Variants in DPF3 observed in about 807,000 individuals in gnomAD.
The protein encoded by DPF3 is double PHD fingers 3, also known as zinc finger protein DPF3.
A neutral mutation model predicts 56.8 loss-of-function variants in DPF3; 18 were observed. The ratio of observed to expected loss-of-function variants is 0.32; its 90% CI spans 0.22 to 0.47. The LOEUF is 0.47. Among genes scored for constraint, DPF3 ranks in the 20% least tolerant of loss-of-function variants. The pLI is 1.00. For missense variants in DPF3, 403 were observed against 488.8 expected (o/e 0.82, Z 1.65); for synonymous variants, 188 against 180.2 (o/e 1.04, Z -0.35).
intron 1 of DPF3, among the ~76,000 whole-genome samples, chr14:72,821,158 G>T (rs12433184): frequency 0.089 from 13,444 of 150,338 alleles, 782 homozygotes; most frequent in Admixed American, 0.17. Context: ...AAAATTAGCG[G>T]GCGTGGTGGC....
At chr14:72,714,746 C>T (rs1209642836) in intron 5 of DPF3, among the ~76,000 whole-genome samples, 1 of 152,094 alleles carries the variant, frequency 6.6e-6, no homozygotes, top group Admixed American at 6.5e-5. Context: ...TACTAGGGTC[C>T]CCATTTTACA....
At chr14:72,708,080 G>C (rs1224303348) in intron 6 of DPF3, among the ~76,000 whole-genome samples, 3 of 152,168 alleles carry the variant, frequency 2.0e-5, no homozygotes, top group African/African-American at 7.2e-5. Context: ...GGAGAGCAAG[G>C]TTGTGACTGA....
intron 1 of DPF3, among the ~76,000 whole-genome samples, chr14:72,867,004 A>G (rs1037060920): frequency 1.4e-5 from 2 of 140,052 alleles, no homozygotes; most frequent in African/African-American, 5.1e-5. Flanking sequence ...TCTTACAAGG[A>G]GGAAGCAAAG....
intron 1 of DPF3, among the ~76,000 whole-genome samples, chr14:72,794,456 A>C (rs1892558332): frequency 6.6e-6 from 1 of 152,306 alleles, no homozygotes; most frequent in African/African-American, 2.4e-5. Context: ...CCATCTCACC[A>C]GTCAGCTTCA....
In DPF3 at chr14:72,615,269, A is replaced by G. The variant is rs1040492104; in HGVS notation, c.*4028T>C. On this transcript the variant is annotated 3_prime_UTR_variant, in exon 11 of 11. Coordinates refer to ENST00000556509, the MANE Select transcript of DPF3 (RefSeq NM_001280542.3). ...CCCCTACCTCCTCACACACAGACCCAAAGAGGAGACTATAAGCCCCTCTTC... is the reference window on the plus strand; with the variant it reads ...CCCCTACCTCCTCACACACAGACCCGAAGAGGAGACTATAAGCCCCTCTTC... Among the ~76,000 whole-genome samples, 56 of 152,100 alleles carry G rather than the reference A, an allele frequency of 3.7e-4. No homozygotes were observed. The highest frequency in any genetic ancestry group is 3.2e-3 in the Middle Eastern group (1 of 316).
chr14:72,666,588 T>A (rs774895601), intron 8 of DPF3, among the ~76,000 whole-genome samples: 16 of 152,178 alleles, frequency 1.1e-4, no homozygotes, highest in Non-Finnish European at 1.5e-4. Context: ...CGGGAATAAA[T>A]AACATCTACC....
At chr14:72,806,608 C>A (rs1882794125) in intron 1 of DPF3, among the ~76,000 whole-genome samples, 1 of 152,204 alleles carries the variant, frequency 6.6e-6, no homozygotes, top group South Asian at 2.1e-4. Flanking sequence ...CCCACCCGCA[C>A]TGGGCGAAAG....
intron 8 of DPF3, among the ~76,000 whole-genome samples, chr14:72,672,712 C>A (rs1303708617): frequency 6.6e-6 from 1 of 152,122 alleles, no homozygotes; most frequent in Non-Finnish European, 1.5e-5. Flanking sequence ...GATTCTAGCA[C>A]CCCTCTTTTG....
chr14:72,707,459 G>A (rs1888453888), intron 6 of DPF3, among the ~76,000 whole-genome samples: 1 of 152,212 alleles, frequency 6.6e-6, no homozygotes, highest in African/African-American at 2.4e-5. Flanking sequence ...ATAGTAAACA[G>A]ATATTAGACT....
At position 72,616,510 on chromosome 14, in the gene DPF3, G is replaced by C. The variant is rs981469066; in HGVS notation, c.*2787C>G. ...GTCTAACATTGGCTAATGCACACAA[G>C]AAGGCGGACATGGAAAACATCCGGA... On this transcript the variant is annotated 3_prime_UTR_variant, in exon 11 of 11. Coordinates refer to ENST00000556509, the MANE Select transcript of DPF3 (RefSeq NM_001280542.3). 6.6e-6 allele frequency among the ~76,000 whole-genome samples: 1 copy of C among 152,182 alleles called. No individual in the cohort carries two copies. The highest frequency in any genetic ancestry group is 1.5e-5 in the Non-Finnish European group (1 of 68,040).
chr14:72,641,490 C>T (rs1459144762), intron 8 of DPF3, among the ~76,000 whole-genome samples: 3 of 152,328 alleles, frequency 2.0e-5, no homozygotes, highest in East Asian at 3.9e-4. Context: ...GACCTTGGAT[C>T]GAAGATCTTC....
rs555616899 is a variant in DPF3 at position 72,726,509 on chromosome 14, C to T, written c.430-2781G>A. 1.5e-4 allele frequency among the ~76,000 whole-genome samples: 23 copies of T among 152,324 alleles called. No homozygotes were observed. In the South Asian group the frequency reaches 4.8e-3, roughly 32 times the overall value. On this transcript the variant is annotated intron_variant, in intron 4 of 10. Coordinates refer to ENST00000556509, the MANE Select transcript of DPF3 (RefSeq NM_001280542.3). ...TGTGACTCTAAAGCCTCTGTCTATG[C>T]CCTGGGCCTCAGATGTGATGGCGGC... is the stretch of plus-strand genomic sequence containing the variant.
chr14:72,764,259 T>C (rs1189535205), intron 2 of DPF3, among the ~76,000 whole-genome samples: 2 of 152,180 alleles, frequency 1.3e-5, no homozygotes, highest in Non-Finnish European at 2.9e-5. Flanking sequence ...CAACCATTCC[T>C]ACATAATGAA....
chr14:72,741,769 C>T (rs938049915), intron 3 of DPF3, among the ~76,000 whole-genome samples: 1 of 152,230 alleles, frequency 6.6e-6, no homozygotes, highest in Admixed American at 6.5e-5. Flanking sequence ...TCAAGTTGTC[C>T]ACCTCCCAGT....
intron 8 of DPF3, among the ~76,000 whole-genome samples, chr14:72,655,753 G>C (rs532724814): frequency 1.3e-3 from 197 of 152,354 alleles, no homozygotes; most frequent in African/African-American, 4.5e-3. Flanking sequence ...TTTAGTTAGT[G>C]ATCAGAATAC....
At chr14:72,677,893 G>A (rs1328900972) in intron 7 of DPF3, among the ~76,000 whole-genome samples, 1 of 152,084 alleles carries the variant, frequency 6.6e-6, no homozygotes, top group Admixed American at 6.5e-5. Flanking sequence ...CAAGAACATA[G>A]AAGACAATGA....
intron 4 of DPF3, among the ~76,000 whole-genome samples, chr14:72,726,071 C>T (rs1889395881): frequency 6.6e-6 from 1 of 152,164 alleles, no homozygotes; most frequent in Non-Finnish European, 1.5e-5. Flanking sequence ...CTCTTGAGTT[C>T]CTGACCTGTA....
At chr14:72,758,285 A>G (rs946732082) in intron 2 of DPF3, among the ~76,000 whole-genome samples, 1 of 152,240 alleles carries the variant, frequency 6.6e-6, no homozygotes, top group Non-Finnish European at 1.5e-5. Context: ...ATTGAAGGAC[A>G]GTGATCCCTG....
chr14:72,663,531 C>G (rs182774094), intron 8 of DPF3, among the ~76,000 whole-genome samples: 1 of 152,216 alleles, frequency 6.6e-6, no homozygotes, highest in Non-Finnish European at 1.5e-5. Context: ...GTGGTTCACA[C>G]AGGTGGGCCC....
Sources: gnomAD v4.1 joint callset for allele counts (sites outside exome capture counted in the v4.1 genomes callset) on GRCh38, gnomAD v4.1.1 for gene constraint, MANE v1.5 for transcripts, NCBI Gene and HGNC (gene_info 2026-07-23, HGNC 2026-07-21) for gene names.